The following ATP10A variants were observed in gnomAD, a reference collection of about 807,000 sequenced individuals.
ATP10A encodes phospholipid-transporting ATPase VA.
In ATP10A, 111 loss-of-function variants were observed where a neutral mutation model predicts 147.8. That is an observed-to-expected ratio of 0.75 (90% CI 0.64 to 0.88). The LOEUF (loss-of-function observed/expected upper bound fraction) is 0.88, where lower values mean the gene tolerates loss of function less well. Among genes scored for constraint, ATP10A ranks in the 40% least tolerant of loss-of-function variants. The probability of loss-of-function intolerance (pLI) is 0.00; values close to 1 mark genes in which losing one functional copy is unlikely to be tolerated. For synonymous variants in ATP10A, 875 were observed against 841.6 expected (o/e 1.04, Z -0.69); for missense variants, 1,927 against 1,959.0 (o/e 0.98, Z 0.31).
intron 1 of ATP10A, among the ~76,000 whole-genome samples, chr15:25,804,002 TGTTTGTC>T (rs1167334769): frequency 1.4e-4 from 22 of 152,062 alleles, no homozygotes; most frequent in South Asian, 2.1e-4. Context: ...TGTGAGGCTG[TGTTTGTC>T]AGTATGCAGC....
At chr15:25,845,935 C>T (rs1309679011) in intron 1 of ATP10A, among the ~76,000 whole-genome samples, 1 of 152,194 alleles carries the variant, frequency 6.6e-6, no homozygotes, top group Non-Finnish European at 1.5e-5. Context: ...AATGGATAAA[C>T]AAGATGTGGT....
intron 1 of ATP10A, among the ~76,000 whole-genome samples, chr15:25,802,331 T>G (rs908030091): frequency 1.3e-5 from 2 of 152,156 alleles, no homozygotes; most frequent in African/African-American, 4.8e-5. Flanking sequence ...CACCTCCCAC[T>G]GCAGGCTTTT....
chr15:25,820,616 A>T (rs573077613), intron 1 of ATP10A, among the ~76,000 whole-genome samples: 2 of 152,216 alleles, frequency 1.3e-5, no homozygotes, highest in African/African-American at 4.8e-5. Flanking sequence ...TGTTCGGCAT[A>T]GTGTGCAAGA....
At chr15:25,820,448 TCTC>T (rs1447415331) in intron 1 of ATP10A, among the ~76,000 whole-genome samples, 1 of 152,154 alleles carries the variant, frequency 6.6e-6, no homozygotes, top group Non-Finnish European at 1.5e-5. Context: ...TGATGTTGAT[TCTC>T]CTGACAGAAG....
intron 1 of ATP10A, among the ~76,000 whole-genome samples, chr15:25,792,712 A>G (rs914292412): frequency 2.0e-5 from 3 of 152,032 alleles, no homozygotes; most frequent in African/African-American, 7.3e-5. Flanking sequence ...CAGAGTGTTA[A>G]TTCACCTCCA....
At chr15:25,729,311 A>G (rs535927764) in intron 3 of ATP10A, among the ~76,000 whole-genome samples, 1 of 152,136 alleles carries the variant, frequency 6.6e-6, no homozygotes, top group African/African-American at 2.4e-5. Context: ...ATATGGTGAA[A>G]CCCCGTCACC....
intron 1 of ATP10A, among the ~76,000 whole-genome samples, chr15:25,785,855 C>G (rs1248313410): frequency 1.3e-5 from 2 of 152,230 alleles, no homozygotes; most frequent in Non-Finnish European, 2.9e-5. Flanking sequence ...GCACCACCCA[C>G]CTCGCCCAGG....
At chr15:25,774,329 C>T (rs1399229924) in intron 2 of ATP10A, among the ~76,000 whole-genome samples, 1 of 152,206 alleles carries the variant, frequency 6.6e-6, no homozygotes, top group Non-Finnish European at 1.5e-5. Flanking sequence ...AATGCCAGCA[C>T]TTTGGGAGGC....
At chr15:25,687,851 G>T in intron 15 of ATP10A, 23 bp from the exon 16 acceptor site, 3 of 1,613,758 alleles carry the variant, frequency 1.9e-6, no homozygotes, top group Non-Finnish European at 1.7e-6. Flanking sequence ...AGGGATTCCT[G>T]TTACTGGTGA....
Position 25,713,892 on chromosome 15 carries a change from G to C in ATP10A, c.2126C>G (p.Ala709Gly), listed in dbSNP as rs1596737859. ...CCGCTCCACAAGCACGCAGTTGTAGGCTCTGGCCGCATACACCAGTGCGGC... is the reference window on the plus strand; with the variant it reads ...CCGCTCCACAAGCACGCAGTTGTAGCCTCTGGCCGCATACACCAGTGCGGC... Reference protein sequence around the residue: ...DEAALVYAARAYNCVLVERLH... With the variant: ...DEAALVYAARGYNCVLVERLH... The change falls in exon 10 of 21, where the codon GCC (alanine) becomes GGC (glycine). Residue 709 changes from alanine (A) to glycine (G), a missense_variant. Ala to Gly is a moderately conservative substitution (Grantham distance 60). Transcript: ENST00000555815. The C allele has an allele frequency of 1.9e-6, 3 of 1,613,548 alleles. No individual in the cohort carries two copies. The highest frequency in any genetic ancestry group is 2.5e-6 in the Non-Finnish European group (3 of 1,180,044).
In ATP10A at chr15:25,679,326, G is replaced by A. The variant is rs777417710; in HGVS notation, c.*15C>T. Reference sequence around the variant, plus strand: ...CATTTATTTATATATATTAAAAAAGGCCATTTCAAGGTTTTCACTGTGACC... The same window carrying A: ...CATTTATTTATATATATTAAAAAAGACCATTTCAAGGTTTTCACTGTGACC... On this transcript the variant is annotated 3_prime_UTR_variant, in exon 21 of 21. Transcript: ENST00000555815. The A allele has an allele frequency of 1.6e-5, 22 of 1,396,168 alleles. No homozygotes were observed. The highest frequency in any genetic ancestry group is 2.1e-5 in the Non-Finnish European group (22 of 1,066,112). 86.5% of individuals were successfully genotyped at this position (1,396,168 alleles called of 1,614,324 possible). A position where few individuals can be genotyped will look rare whatever the true frequency, so the allele number is the denominator to read the frequency against.
chr15:25,781,401 A>G (rs1051553940), intron 1 of ATP10A, among the ~76,000 whole-genome samples, 178 bp from the exon 2 acceptor site: 19 of 152,200 alleles, frequency 1.2e-4, no homozygotes, highest in African/African-American at 4.6e-4. Context: ...TCACGCCTGT[A>G]ATCCCAGCAC....
At chr15:25,817,930 T>C (rs1275128948) in intron 1 of ATP10A, among the ~76,000 whole-genome samples, 1 of 152,246 alleles carries the variant, frequency 6.6e-6, no homozygotes, top group Non-Finnish European at 1.5e-5. Flanking sequence ...TACAAAGTTG[T>C]ATTCATTTTT....
intron 2 of ATP10A, among the ~76,000 whole-genome samples, chr15:25,741,276 G>A (rs1887569792): frequency 1.3e-5 from 2 of 152,110 alleles, no homozygotes; most frequent in African/African-American, 4.8e-5. Context: ...AGGATCTCAG[G>A]TGCCACAAGC....
At chr15:25,855,671 A>G (rs1893486824) in intron 1 of ATP10A, among the ~76,000 whole-genome samples, 1 of 152,126 alleles carries the variant, frequency 6.6e-6, no homozygotes. Flanking sequence ...TGCCATTTCT[A>G]TTCAACATTA....
Position 25,808,307 on chromosome 15 carries a change from G to C in ATP10A, c.450-27084C>G, listed in dbSNP as rs182274145. On this transcript the variant is annotated intron_variant, in intron 1 of 20. Coordinates refer to ENST00000555815, the MANE Select transcript of ATP10A (RefSeq NM_024490.4). The stretch of plus-strand genomic sequence containing the variant: ...TGGTCACATGAGGAAGAGCAAGGAA[G>C]GATTACCTCAACACAAGTCACAACA... 1.3e-4 allele frequency among the ~76,000 whole-genome samples: 20 copies of C among 152,314 alleles called. 1 individual carries two copies. The East Asian group carries it at 2.1e-3, about 16-fold the overall frequency.
chr15:25,771,189 G>A (rs538070097), intron 2 of ATP10A, among the ~76,000 whole-genome samples: 1 of 152,132 alleles, frequency 6.6e-6, no homozygotes, highest in East Asian at 1.9e-4. Flanking sequence ...CCCCACTGAG[G>A]TTAACAGGGG....
At chr15:25,768,683 AT>A (rs143608940) in intron 2 of ATP10A, among the ~76,000 whole-genome samples, 1,001 of 89,560 alleles carry the variant, frequency 0.011, 2 homozygotes, top group African/African-American at 0.024. Context: ...AGCTGGGCTA[AT>A]TTTTTTTTTT....
At position 25,848,646 on chromosome 15, in the gene ATP10A, C is replaced by T. The variant is rs187394327; in HGVS notation, c.449+14002G>A. On this transcript the variant is annotated intron_variant, in intron 1 of 20. Transcript: ENST00000555815. Reference sequence around the variant, plus strand: ...ATGGCAAATTAAGTAGTATTCATATCGGATCTCTCTGCCCGCTTTTCTTCC... The same window carrying T: ...ATGGCAAATTAAGTAGTATTCATATTGGATCTCTCTGCCCGCTTTTCTTCC... 795 of 154,368 alleles carry T rather than the reference C, an allele frequency of 5.2e-3. 5 individuals carry two copies. The highest frequency in any genetic ancestry group is 6.5e-3 in the Non-Finnish European group (441 of 68,190). The allele number at this position is 154,368 out of a possible 1,614,324, so 9.6% of individuals were successfully genotyped here.
Sources: allele counts gnomAD v4.1 joint callset (sites outside exome capture counted in the v4.1 genomes callset), GRCh38; gene constraint gnomAD v4.1.1; transcripts MANE v1.5; gene names NCBI Gene and HGNC (gene_info 2026-07-23, HGNC 2026-07-21).